MAMDC2: variants seen among roughly 807,000 people sequenced by gnomAD.
MAMDC2 encodes the protein MAM domain-containing protein 2.
Under a neutral mutation model 89.8 loss-of-function variants are expected in MAMDC2, and 57 were observed. The ratio of observed to expected loss-of-function variants is 0.63; its 90% CI spans 0.51 to 0.79. MAMDC2 has a LOEUF of 0.79. MAMDC2 is among the 30% of genes least tolerant of loss of function. MAMDC2 has a pLI of 0.00. For missense variants in MAMDC2, 800 were observed against 820.6 expected, an observed-to-expected ratio of 0.97 and a Z score of 0.31; for synonymous variants, 313 against 293.4, an observed-to-expected ratio of 1.07 and a Z score of -0.68.
chr9:70,111,511 A>G (rs2997709), intron 4 of MAMDC2, among the ~76,000 whole-genome samples: 5,013 of 152,298 alleles, frequency 0.033, 268 homozygotes, highest in African/African-American at 0.11. Context: ...GCTGCTTTGA[A>G]GATTGAATAA....
intron 11 of MAMDC2, among the ~76,000 whole-genome samples, chr9:70,185,940 C>T (rs185860344): frequency 7.2e-5 from 11 of 152,312 alleles, no homozygotes; most frequent in African/African-American, 2.6e-4. Context: ...ATGCAAAAAT[C>T]ACTCGTCTTC....
intron 9 of MAMDC2, among the ~76,000 whole-genome samples, chr9:70,147,571 C>G (rs1336262572): frequency 6.7e-6 from 1 of 150,130 alleles, no homozygotes; most frequent in Non-Finnish European, 1.5e-5. Flanking sequence ...AAACTTTAGA[C>G]AGTGTCTCTT....
At chr9:70,204,257 T>C (rs2033168664) in intron 11 of MAMDC2, among the ~76,000 whole-genome samples, 1 of 150,020 alleles carries the variant, frequency 6.7e-6, no homozygotes, top group African/African-American at 2.4e-5. Context: ...TTTCTGTTTG[T>C]TAGTTTTCCT....
chr9:70,130,758 G>A (rs2030769822), intron 6 of MAMDC2, among the ~76,000 whole-genome samples: 1 of 151,810 alleles, frequency 6.6e-6, no homozygotes, highest in Non-Finnish European at 1.5e-5. Flanking sequence ...GCTCCTGAGG[G>A]ATGGCAGGGA....
Position 70,225,598 on chromosome 9 carries a change from C to A in MAMDC2, c.1912-152C>A, listed in dbSNP as rs1317400192. On this transcript the variant is annotated intron_variant, in intron 12 of 13. Coordinates refer to ENST00000377182, the MANE Select transcript of MAMDC2 (RefSeq NM_153267.5). ...TTCCAAATAAATATTCTCTTTAATA[C>A]CTAGATTTCAATTTGTAATTTGGTA... The A allele has an allele frequency of 5.9e-6, 3 of 510,064 alleles. No individual in the cohort carries two copies. The East Asian group carries it at 9.4e-5, about 16-fold the overall frequency. The allele number at this position is 510,064 out of a possible 1,614,324, so 31.6% of individuals were successfully genotyped here. A position where few individuals can be genotyped will look rare whatever the true frequency, so the allele number is the denominator to read the frequency against.
intron 11 of MAMDC2, among the ~76,000 whole-genome samples, chr9:70,210,391 CTTCT>C (rs570258723): frequency 0.013 from 1,913 of 152,228 alleles, 43 homozygotes; most frequent in African/African-American, 0.042. Flanking sequence ...ATGTAATGGC[CTTCT>C]TTGTCTCTTT....
rs887935300 is a variant in MAMDC2 at position 70,221,635 on chromosome 9, T to C, written c.1911+3039T>C. On this transcript the variant is annotated intron_variant, in intron 12 of 13. Transcript: ENST00000377182. ...GTATATTTCAAAATAACTAAGAGAG[T>C]AAATTTCACATCTTATCACAAAAAA... 2.6e-5 allele frequency among the ~76,000 whole-genome samples: 4 copies of C among 151,326 alleles called. 1 individual carries two copies. Among genetic ancestry groups the C allele is most frequent in the Admixed American group, 2.6e-4 (4 of 15,184 alleles).
intron 2 of MAMDC2, chr9:70,089,204 C>T (rs1827835418): frequency 6.6e-6 from 1 of 152,096 alleles, no homozygotes; most frequent in Non-Finnish European, 1.5e-5. Flanking sequence ...AGAGAGTAAA[C>T]CAGGACAGCA....
chr9:70,120,775 G>A (rs2030248965), intron 5 of MAMDC2, among the ~76,000 whole-genome samples: 1 of 152,142 alleles, frequency 6.6e-6, no homozygotes, highest in Non-Finnish European at 1.5e-5. Flanking sequence ...CGTCATCCTT[G>A]AAAGCTGTAT....
chr9:70,160,214 G>GAA (rs200082583), intron 9 of MAMDC2, among the ~76,000 whole-genome samples: 1 of 146,374 alleles, frequency 6.8e-6, no homozygotes, highest in Non-Finnish European at 1.5e-5. Context: ...CCTGTCTCCA[G>GAA]AAAAAAAAAA....
In MAMDC2 at chr9:70,071,883, T is replaced by C. The variant is rs1827418841; in HGVS notation, c.148+27186T>C. 2.0e-5 allele frequency: 3 copies of C among 152,320 alleles called. No homozygotes were observed. The South Asian group carries it at 6.2e-4, about 32-fold the overall frequency. 9.4% of individuals were successfully genotyped at this position (152,320 alleles called of 1,614,324 possible). ...CCAAAAATGAAATTGGCGTTTCTCT[T>C]TAATTTACCTAAAAGTTTCTGGAAG... On this transcript the variant is annotated intron_variant, in intron 2 of 13. Coordinates refer to ENST00000377182, the MANE Select transcript of MAMDC2 (RefSeq NM_153267.5).
chr9:70,209,276 G>C (rs1295455494), intron 11 of MAMDC2, among the ~76,000 whole-genome samples: 1 of 151,986 alleles, frequency 6.6e-6, no homozygotes, highest in Admixed American at 6.6e-5. Context: ...TTTTTTGGTT[G>C]GTAGGCTATT....
chr9:70,157,174 T>C (rs1410961866), intron 9 of MAMDC2, among the ~76,000 whole-genome samples: 1 of 152,212 alleles, frequency 6.6e-6, no homozygotes, highest in Non-Finnish European at 1.5e-5. Flanking sequence ...CAAACTTCTA[T>C]CTTGTGAATA....
At chr9:70,157,755 T>C (rs1179470159) in intron 9 of MAMDC2, 1 of 152,452 alleles carries the variant, frequency 6.6e-6, no homozygotes, top group Non-Finnish European at 1.5e-5. Context: ...GAAAGGCAAA[T>C]GTCAAGTCAG....
chr9:70,113,160 TC>T (rs1828556940), intron 5 of MAMDC2, 28 bp downstream of exon 5: 2 of 1,611,850 alleles, frequency 1.2e-6, no homozygotes, highest in Admixed American at 1.7e-5. Flanking sequence ...AGAGTCCTTT[TC>T]CCAGGATAAA....
At chr9:70,126,463 T>A (rs759803491) in intron 6 of MAMDC2, 48 bp downstream of exon 6, 16 of 1,573,146 alleles carry the variant, frequency 1.0e-5, no homozygotes, top group Non-Finnish European at 1.4e-5. Flanking sequence ...TCTTTAGACA[T>A]GCCACCCACA....
intron 2 of MAMDC2, among the ~76,000 whole-genome samples, chr9:70,095,033 A>C (rs1349338587): frequency 1.3e-5 from 2 of 152,178 alleles, no homozygotes; most frequent in Non-Finnish European, 2.9e-5. Flanking sequence ...AGTGGCATGG[A>C]ATGTAGGAGG....
intron 2 of MAMDC2, among the ~76,000 whole-genome samples, chr9:70,097,481 T>C (rs754266860): frequency 1.1e-4 from 16 of 152,202 alleles, no homozygotes; most frequent in Non-Finnish European, 2.1e-4. Flanking sequence ...TGTGTTGGGA[T>C]AGCTTGGAAG....
intron 4 of MAMDC2, among the ~76,000 whole-genome samples, chr9:70,112,672 A>G (rs1828541133): frequency 1.3e-5 from 2 of 152,156 alleles, no homozygotes; most frequent in Non-Finnish European, 2.9e-5. Flanking sequence ...CACACTTACA[A>G]TAGCTCTGTG....
Sources: allele counts gnomAD v4.1 joint callset (sites outside exome capture counted in the v4.1 genomes callset), GRCh38; gene constraint gnomAD v4.1.1; transcripts MANE v1.5; gene names NCBI Gene and HGNC (gene_info 2026-07-23, HGNC 2026-07-21).